The following SNX29 variants were observed in gnomAD, a reference collection of about 807,000 sequenced individuals.
The protein encoded by SNX29 is sorting nexin 29, also known as sorting nexin-29.
In SNX29, 78 loss-of-function variants were observed where a neutral mutation model predicts 102.1. The ratio of observed to expected loss-of-function variants is 0.76; its 90% CI spans 0.64 to 0.92. SNX29 has a LOEUF of 0.92. SNX29 is among the 40% of genes least tolerant of loss of function. The pLI is 0.00. For missense variants in SNX29, 1,280 were observed against 1,061.7 expected, an observed-to-expected ratio of 1.21 and a Z score of -2.86; for synonymous variants, 580 against 414.5, an observed-to-expected ratio of 1.40 and a Z score of -4.85.
chr16:12,433,276 C>G (rs2085389417), intron 18 of SNX29, among the ~76,000 whole-genome samples: 2 of 152,154 alleles, frequency 1.3e-5, no homozygotes, highest in African/African-American at 4.8e-5. Flanking sequence ...CCTTCTTCCT[C>G]TGCCTTAACG....
intron 1 of SNX29, among the ~76,000 whole-genome samples, chr16:11,998,380 C>G (rs1222429019): frequency 1.3e-5 from 2 of 152,156 alleles, no homozygotes; most frequent in African/African-American, 4.8e-5. Flanking sequence ...CCCAGACCTT[C>G]CTAAATGGAA....
chr16:12,351,783 G>A (rs2151295783), intron 15 of SNX29, among the ~76,000 whole-genome samples: 1 of 152,188 alleles, frequency 6.6e-6, no homozygotes, highest in Admixed American at 6.5e-5. Flanking sequence ...CACTTTCTTG[G>A]TGGTGCTTTC....
chr16:12,472,393 C>A (rs982395394), intron 18 of SNX29, among the ~76,000 whole-genome samples: 1 of 151,920 alleles, frequency 6.6e-6, no homozygotes, highest in Admixed American at 6.6e-5. Flanking sequence ...GTGGCAGGCA[C>A]CTGTAATCCC....
rs1405715659 is a variant in SNX29 at position 12,526,507 on chromosome 16, A to G, written c.2318+1666A>G. On this transcript the variant is annotated intron_variant, in intron 20 of 20. Coordinates refer to ENST00000566228, the MANE Select transcript of SNX29 (RefSeq NM_032167.5). ...TTGTCCTGAATAGAAAACAGTTTCT[A>G]GAACGCTTTATTTTTCTTTTCTTCT... 3.8e-5 allele frequency: 19 copies of G among 504,224 alleles called. 1 individual carries two copies. Among genetic ancestry groups the G allele is most frequent in the Non-Finnish European group, 6.6e-5 (17 of 256,204 alleles). 31.2% of individuals were successfully genotyped at this position (504,224 alleles called of 1,614,324 possible).
chr16:12,199,498 G>A lies in SNX29; in HGVS notation c.1596-103G>A, dbSNP rs973019168. 7.1e-6 allele frequency: 6 copies of A among 849,260 alleles called. No individual in the cohort carries two copies. In the East Asian group the frequency reaches 1.6e-4, roughly 23 times the overall value. The allele number at this position is 849,260 out of a possible 1,614,324, so 52.6% of individuals were successfully genotyped here. Reference sequence around the variant, plus strand: ...TATTAACATTTATAAGATGCAAATTGTGCTTTTCTTTACACAAATTCACCA... The same window carrying A: ...TATTAACATTTATAAGATGCAAATTATGCTTTTCTTTACACAAATTCACCA... On this transcript the variant is annotated intron_variant, in intron 13 of 20. Coordinates refer to ENST00000566228, the MANE Select transcript of SNX29 (RefSeq NM_032167.5).
chr16:12,396,669 C>T (rs1220379574), intron 16 of SNX29, among the ~76,000 whole-genome samples: 4 of 152,314 alleles, frequency 2.6e-5, no homozygotes, highest in Admixed American at 2.6e-4. Flanking sequence ...AGAACCCTTT[C>T]TTTGCCCTTT....
Position 12,401,359 on chromosome 16 carries a change from A to ATTTTT in SNX29, c.1956-2070_1956-2066dup, listed in dbSNP as rs35886680. On this transcript the variant is annotated intron_variant, in intron 17 of 20. Transcript: ENST00000566228. Reference sequence around the variant, plus strand: ...TCTTCCTTGACCACAATAGAGTTAAATTTTTTTTTTTTTTTTTTTTTTTGA... The same window carrying ATTTTT: ...TCTTCCTTGACCACAATAGAGTTAAATTTTTTTTTTTTTTTTTTTTTTTTTTTTGA... Among the ~76,000 whole-genome samples the ATTTTT allele has an allele frequency of 5.0e-4, 51 of 101,472 alleles. 1 individual carries two copies. Among genetic ancestry groups the ATTTTT allele is most frequent in the African/African-American group, 1.1e-3 (29 of 27,066 alleles). The allele number at this position is 101,472 out of a possible 152,430, so 66.6% of individuals were successfully genotyped here. A position where few individuals can be genotyped will look rare whatever the true frequency, so the allele number is the denominator to read the frequency against.
chr16:12,339,303 A>G (rs1028238235), intron 15 of SNX29, among the ~76,000 whole-genome samples: 14 of 145,412 alleles, frequency 9.6e-5, no homozygotes. Flanking sequence ...CCTGGGAGGC[A>G]GAGGTTGTGG....
At chr16:12,019,661 G>A (rs182049004) in intron 3 of SNX29, among the ~76,000 whole-genome samples, 3 of 148,524 alleles carry the variant, frequency 2.0e-5, no homozygotes, top group African/African-American at 7.4e-5. Flanking sequence ...TTGAGACGGA[G>A]TTTTGCTCTT....
At chr16:12,447,403 G>T (rs2086112481) in intron 18 of SNX29, among the ~76,000 whole-genome samples, 1 of 152,064 alleles carries the variant, frequency 6.6e-6, no homozygotes, top group African/African-American at 2.4e-5. Context: ...AACTATCCTG[G>T]TGTCCAGCCT....
At chr16:12,145,829 T>G (rs1246626170) in intron 13 of SNX29, among the ~76,000 whole-genome samples, 1 of 152,266 alleles carries the variant, frequency 6.6e-6, no homozygotes, top group African/African-American at 2.4e-5. Flanking sequence ...GTTTCTCACA[T>G]CATTTTTCTT....
intron 15 of SNX29, among the ~76,000 whole-genome samples, chr16:12,352,492 C>G (rs187322998): frequency 6.6e-6 from 1 of 152,010 alleles, no homozygotes; most frequent in East Asian, 1.9e-4. Context: ...GTTGTGCACA[C>G]GTACCCTAAA....
chr16:12,334,901 CTT>C (rs36176543), intron 15 of SNX29, among the ~76,000 whole-genome samples: 9 of 93,636 alleles, frequency 9.6e-5, no homozygotes, highest in Admixed American at 7.5e-4. Flanking sequence ...GCCCCAGAGC[CTT>C]TTTTTTTTTT....
rs1045820580 is a variant in SNX29 at position 12,572,883 on chromosome 16, G to A, written c.*4254G>A. The A allele has an allele frequency of 7.7e-5, 82 of 1,058,248 alleles. No individual in the cohort carries two copies. Among genetic ancestry groups the A allele is most frequent in the East Asian group, 1.0e-4 (2 of 19,862 alleles). 65.6% of individuals were successfully genotyped at this position (1,058,248 alleles called of 1,614,324 possible). On this transcript the variant is annotated 3_prime_UTR_variant, in exon 21 of 21. Transcript: ENST00000566228. ...TAAAGGTAATGATTGTCTTGACTCTGCCTTGGCATTTCGCTCGGAATCACG... is the reference window on the plus strand; with the variant it reads ...TAAAGGTAATGATTGTCTTGACTCTACCTTGGCATTTCGCTCGGAATCACG...
intron 20 of SNX29, among the ~76,000 whole-genome samples, chr16:12,568,189 G>T (rs554028364): frequency 2.0e-5 from 3 of 152,090 alleles, no homozygotes; most frequent in African/African-American, 4.8e-5. Context: ...AAAATGTGGG[G>T]AAGAAAGCTG....
At chr16:12,040,701 A>G (rs933118753) in intron 4 of SNX29, among the ~76,000 whole-genome samples, 4 of 152,274 alleles carry the variant, frequency 2.6e-5, no homozygotes, top group Non-Finnish European at 5.9e-5. Flanking sequence ...GAAAGCCATC[A>G]AAAATCATCT....
intron 20 of SNX29, among the ~76,000 whole-genome samples, chr16:12,567,749 CG>C (rs1567222745): frequency 6.6e-6 from 1 of 152,264 alleles, no homozygotes; most frequent in East Asian, 1.9e-4. Flanking sequence ...GGGCAAGAGT[CG>C]AGACTGTCTC....
chr16:12,280,100 C>G (rs1485531758), intron 15 of SNX29, among the ~76,000 whole-genome samples: 2 of 152,204 alleles, frequency 1.3e-5, no homozygotes, highest in Non-Finnish European at 2.9e-5. Context: ...AGCCAAGTGC[C>G]ACTAGTTCAT....
intron 4 of SNX29, among the ~76,000 whole-genome samples, chr16:12,033,303 A>G (rs2057392577): frequency 6.6e-6 from 1 of 151,784 alleles, no homozygotes. Flanking sequence ...GTATCTTACT[A>G]TCTTGCCCAG....
Sources: gnomAD v4.1 joint callset for allele counts (sites outside exome capture counted in the v4.1 genomes callset) on GRCh38, gnomAD v4.1.1 for gene constraint, MANE v1.5 for transcripts, NCBI Gene and HGNC (gene_info 2026-07-23, HGNC 2026-07-21) for gene names.